ASIC2: variants seen among roughly 807,000 people sequenced by gnomAD.
ASIC2 encodes acid-sensing ion channel 2.
ASIC2 carries 25 observed loss-of-function variants against 57.3 expected under a neutral mutation model. The ratio of observed to expected loss-of-function variants is 0.44; its 90% CI spans 0.32 to 0.61. The LOEUF (loss-of-function observed/expected upper bound fraction) is 0.61, where lower values mean the gene tolerates loss of function less well. Among genes scored for constraint, ASIC2 ranks in the 20% least tolerant of loss-of-function variants. The probability of loss-of-function intolerance (pLI) is 0.06; values close to 1 mark genes in which losing one functional copy is unlikely to be tolerated. For missense variants in ASIC2, 641 were observed against 738.1 expected, an observed-to-expected ratio of 0.87 and a Z score of 1.52; for synonymous variants, 319 against 307.5, an observed-to-expected ratio of 1.04 and a Z score of -0.39.
intron 1 of ASIC2, among the ~76,000 whole-genome samples, chr17:33,220,593 A>G (rs1907653121): frequency 6.6e-6 from 1 of 152,190 alleles, no homozygotes; most frequent in Admixed American, 6.5e-5. Flanking sequence ...ATCTATGGAA[A>G]AATATATAAC....
At chr17:34,039,458 C>T in intron 1 of ASIC2, 1 of 1,613,648 alleles carries the variant, frequency 6.2e-7, no homozygotes, top group Non-Finnish European at 8.5e-7. Context: ...TCCTCCGTTG[C>T]CTCCTTTGCA....
intron 1 of ASIC2, among the ~76,000 whole-genome samples, chr17:33,894,283 G>T (rs899518290): frequency 1.3e-5 from 2 of 151,970 alleles, no homozygotes; most frequent in Non-Finnish European, 2.9e-5. Flanking sequence ...CTGGGCTTAT[G>T]GGGAGGAAGA....
At chr17:34,013,057 A>G (rs1427812765) in intron 1 of ASIC2, among the ~76,000 whole-genome samples, 2 of 152,074 alleles carry the variant, frequency 1.3e-5, no homozygotes, top group Non-Finnish European at 2.9e-5. Flanking sequence ...CCCTGGCTCA[A>G]CCCCCCTGGA....
At chr17:34,149,788 G>A (rs2142142844) in intron 1 of ASIC2, among the ~76,000 whole-genome samples, 1 of 152,306 alleles carries the variant, frequency 6.6e-6, no homozygotes, top group South Asian at 2.1e-4. Flanking sequence ...CACTGTGGGT[G>A]GGAATGGAAA....
At chr17:33,154,757 T>C (rs955221755) in intron 1 of ASIC2, among the ~76,000 whole-genome samples, 3 of 152,178 alleles carry the variant, frequency 2.0e-5, no homozygotes, top group African/African-American at 4.8e-5. Context: ...TTTTGCAAAA[T>C]AAAATCGCAC....
intron 3 of ASIC2, among the ~76,000 whole-genome samples, chr17:33,061,249 A>T (rs2092019464): frequency 6.6e-6 from 1 of 152,188 alleles, no homozygotes; most frequent in African/African-American, 2.4e-5. Flanking sequence ...CAATTTTCAA[A>T]GGGAATGCTT....
chr17:33,968,607 T>G (rs1453922246), intron 1 of ASIC2, among the ~76,000 whole-genome samples: 1 of 152,138 alleles, frequency 6.6e-6, no homozygotes, highest in Non-Finnish European at 1.5e-5. Flanking sequence ...TACCTCAATC[T>G]CTGACCCTTC....
At chr17:34,093,493 G>T (rs1002061658) in intron 1 of ASIC2, among the ~76,000 whole-genome samples, 4 of 152,160 alleles carry the variant, frequency 2.6e-5, no homozygotes, top group African/African-American at 9.6e-5. Flanking sequence ...CTCCTTCCTG[G>T]CTCCCACCTG....
intron 1 of ASIC2, among the ~76,000 whole-genome samples, chr17:33,456,603 C>T (rs960077335): frequency 3.9e-5 from 6 of 152,184 alleles, no homozygotes; most frequent in African/African-American, 1.4e-4. Context: ...GATTCCTTCT[C>T]TTTTAACTAT....
chr17:33,827,259 A>G lies in ASIC2; in HGVS notation c.555+328719T>C, dbSNP rs1912950316. 3.9e-5 allele frequency among the ~76,000 whole-genome samples: 6 copies of G among 152,120 alleles called. No homozygotes were observed. The South Asian group carries it at 1.2e-3, about 32-fold the overall frequency. On this transcript the variant is annotated intron_variant, in intron 1 of 9. Transcript: ENST00000359872. ...GCTTCTCACACAAGGAACATTGGAC[A>G]GGGAGACAAAGACAACATGTTTCCC...
At chr17:33,940,096 T>C (rs1222757361) in intron 1 of ASIC2, among the ~76,000 whole-genome samples, 2 of 152,198 alleles carry the variant, frequency 1.3e-5, no homozygotes, top group South Asian at 4.1e-4. Context: ...AATACGCTAC[T>C]CTAGGTAAGC....
intron 1 of ASIC2, among the ~76,000 whole-genome samples, chr17:33,160,079 C>T (rs1026276062): frequency 5.3e-5 from 8 of 152,026 alleles, no homozygotes; most frequent in African/African-American, 1.9e-4. Context: ...CATGGTGGTG[C>T]ACACCTGTAA....
intron 1 of ASIC2, among the ~76,000 whole-genome samples, chr17:33,654,335 A>T (rs1420857727): frequency 6.6e-6 from 1 of 152,232 alleles, no homozygotes; most frequent in Non-Finnish European, 1.5e-5. Flanking sequence ...TTCCTCTTTA[A>T]CAGAAACTCT....
chr17:33,392,083 A>G (rs936220889), intron 1 of ASIC2, among the ~76,000 whole-genome samples: 1 of 152,182 alleles, frequency 6.6e-6, no homozygotes, highest in Non-Finnish European at 1.5e-5. Context: ...AGTTTAAAAC[A>G]TGCTATCATG....
chr17:33,740,969 C>A (rs930563360), intron 1 of ASIC2, among the ~76,000 whole-genome samples: 1 of 152,210 alleles, frequency 6.6e-6, no homozygotes, highest in East Asian at 1.9e-4. Flanking sequence ...ATCCCTTCAA[C>A]ACCTTAAGAG....
At chr17:34,078,926 G>C (rs986808797) in intron 1 of ASIC2, 1 of 152,208 alleles carries the variant, frequency 6.6e-6, no homozygotes, top group Non-Finnish European at 1.5e-5. Context: ...TCCTCACCCA[G>C]ATAACTGAAA....
In ASIC2 at chr17:33,220,237, A is replaced by G. The variant is rs1020255499; in HGVS notation, c.708+71171T>C. ...TGCCTCCAGGGATAGGGAGTTGGCT[A>G]CCTCACAAAGCATTCTGTGCTACAT... is the stretch of plus-strand genomic sequence containing the variant. On this transcript the variant is annotated intron_variant, in intron 1 of 9. Coordinates refer to ENST00000225823, the MANE Select transcript of ASIC2 (RefSeq NM_183377.2). Among the ~76,000 whole-genome samples, 9 of 152,272 alleles carry G rather than the reference A, an allele frequency of 5.9e-5. No homozygotes were observed. The East Asian group carries it at 1.4e-3, about 23-fold the overall frequency.
At chr17:33,231,914 A>G (rs1908106730) in intron 1 of ASIC2, among the ~76,000 whole-genome samples, 1 of 152,124 alleles carries the variant, frequency 6.6e-6, no homozygotes, top group African/African-American at 2.4e-5. Context: ...ATATTCATTC[A>G]TTACTTTTCT....
At chr17:34,126,719 G>A (rs1050672817) in intron 1 of ASIC2, among the ~76,000 whole-genome samples, 36 of 152,152 alleles carry the variant, frequency 2.4e-4, no homozygotes, top group Admixed American at 1.0e-3. Context: ...GCACAGGCAG[G>A]GGATGGAGGT....
Sources: allele counts gnomAD v4.1 joint callset (sites outside exome capture counted in the v4.1 genomes callset), GRCh38; gene constraint gnomAD v4.1.1; transcripts MANE v1.5; gene names NCBI Gene and HGNC (gene_info 2026-07-23, HGNC 2026-07-21).